DIAPH2: variants seen among roughly 807,000 people sequenced by gnomAD.
DIAPH2 encodes diaphanous related formin 2.
Under a neutral mutation model 92.7 loss-of-function variants are expected in DIAPH2, and 35 were observed. The ratio of observed to expected loss-of-function variants is 0.38; its 90% confidence interval spans 0.29 to 0.50. The LOEUF (loss-of-function observed/expected upper bound fraction) is 0.50, where lower values mean the gene tolerates loss of function less well. Ranked by LOEUF, DIAPH2 falls within the 20% of genes least tolerant of loss-of-function variation. The probability of loss-of-function intolerance (pLI) is 0.94; values close to 1 mark genes in which losing one functional copy is unlikely to be tolerated. For synonymous variants in DIAPH2, 301 were observed against 280.4 expected (o/e 1.07, Z -0.73); for missense variants, 701 against 819.5 (o/e 0.86, Z 1.77).
intron 22 of DIAPH2, among the ~76,000 whole-genome samples, chrX:97,162,839 T>TC (rs752383935): frequency 1.3e-3 from 146 of 111,711 alleles, no homozygotes; most frequent in African/African-American, 4.6e-3. Context: ...TTCTTTTTTT[T>TC]CCCCGTCTAT....
At chrX:97,168,088 T>C (rs2067424710) in intron 22 of DIAPH2, among the ~76,000 whole-genome samples, 1 of 103,319 alleles carries the variant, frequency 9.7e-6, no homozygotes, top group African/African-American at 3.7e-5. Flanking sequence ...AATTAGACAG[T>C]CTTTTTTTTT....
chrX:97,553,303 A>G (rs1470643523), intron 26 of DIAPH2, among the ~76,000 whole-genome samples: 1 of 111,936 alleles, frequency 8.9e-6, no homozygotes, highest in Non-Finnish European at 1.9e-5. Flanking sequence ...TTTTTATAGC[A>G]TTTGATTTTT....
At chrX:96,761,040 A>C (rs1315483315) in intron 4 of DIAPH2, among the ~76,000 whole-genome samples, 1 of 111,407 alleles carries the variant, frequency 9.0e-6, no homozygotes, top group Non-Finnish European at 1.9e-5. Context: ...AAACACCAGC[A>C]TATGTTTTCA....
At chrX:97,000,844 A>G (rs1019894511) in intron 17 of DIAPH2, among the ~76,000 whole-genome samples, 1 of 111,070 alleles carries the variant, frequency 9.0e-6, no homozygotes, top group African/African-American at 3.3e-5. Context: ...TGCTTCAACC[A>G]GGCCAATTTG....
At chrX:97,111,133 A>C in intron 20 of DIAPH2, among the ~76,000 whole-genome samples, 1 of 112,402 alleles carries the variant, frequency 8.9e-6, no homozygotes, top group African/African-American at 3.2e-5. Flanking sequence ...ACCTTCCCAC[A>C]GCTGTAGAGG....
At chrX:97,456,241 G>T (rs1321253152) in intron 26 of DIAPH2, among the ~76,000 whole-genome samples, 8 of 111,202 alleles carry the variant, frequency 7.2e-5, no homozygotes, top group African/African-American at 2.0e-4. Context: ...CAAAAAATTA[G>T]CCGGGCGTGG....
At chrX:96,783,866 G>A (rs918026305) in intron 4 of DIAPH2, among the ~76,000 whole-genome samples, 2 of 111,905 alleles carry the variant, frequency 1.8e-5, no homozygotes, top group Admixed American at 9.5e-5. Flanking sequence ...CACACTGTTC[G>A]GTCATTTGGC....
intron 1 of DIAPH2, among the ~76,000 whole-genome samples, chrX:96,686,410 T>C (rs2063771384): frequency 9.0e-6 from 1 of 111,537 alleles, no homozygotes; most frequent in South Asian, 3.7e-4. Context: ...AAAACACTTA[T>C]CTCTGTTAGT....
chrX:97,351,342 T>A (rs775585254), intron 24 of DIAPH2, among the ~76,000 whole-genome samples: 1 of 112,542 alleles, frequency 8.9e-6, no homozygotes, highest in African/African-American at 3.2e-5. Context: ...ATTTTGGTAA[T>A]GCTCTGGGTC....
At chrX:97,155,373 C>A (rs1018097459) in intron 22 of DIAPH2, among the ~76,000 whole-genome samples, 5 of 109,934 alleles carry the variant, frequency 4.5e-5, no homozygotes, top group African/African-American at 1.7e-4. Flanking sequence ...TGGTGGCACC[C>A]ACCTGTAATC....
intron 22 of DIAPH2, among the ~76,000 whole-genome samples, chrX:97,233,282 G>A (rs1188169450): frequency 8.9e-6 from 1 of 112,668 alleles, no homozygotes; most frequent in Non-Finnish European, 1.9e-5. Context: ...AGTAGAGCAT[G>A]TTGGTTAAGA....
chrX:97,603,131 C>T lies in DIAPH2; in HGVS notation c.*3814C>T, dbSNP rs1401211198. The T allele has an allele frequency of 1.3e-5, 1 of 76,506 alleles. No individual in the cohort carries two copies. The highest frequency in any genetic ancestry group is 2.4e-5 in the Non-Finnish European group (1 of 41,084). 6.3% of individuals were successfully genotyped at this position (76,506 alleles called of 1,213,427 possible). On this transcript the variant is annotated 3_prime_UTR_variant, in exon 27 of 27. Transcript: ENST00000324765. ...AGCACACTTTTCTAACAGTGAATCT[C>T]CTAATTTTAGCATCTTTTTTTTTTT...
At chrX:96,720,968 G>A (rs756098722) in intron 1 of DIAPH2, among the ~76,000 whole-genome samples, 2 of 111,357 alleles carry the variant, frequency 1.8e-5, no homozygotes, top group East Asian at 5.6e-4. Flanking sequence ...TCCTTGTCCT[G>A]ATTCCATTCA....
At chrX:96,900,267 G>A (rs753145323) in intron 5 of DIAPH2, among the ~76,000 whole-genome samples, 18 of 111,083 alleles carry the variant, frequency 1.6e-4, no homozygotes, top group African/African-American at 2.9e-4. Flanking sequence ...AAAGAGGGTC[G>A]AGTTCTTCAT....
chrX:96,860,820 C>T (rs183117244), intron 4 of DIAPH2, among the ~76,000 whole-genome samples: 1 of 111,025 alleles, frequency 9.0e-6, no homozygotes, highest in Non-Finnish European at 1.9e-5. Context: ...AGAAATTACA[C>T]GTGTCATATG....
At chrX:96,926,564 G>A (rs1332417471) in intron 9 of DIAPH2, among the ~76,000 whole-genome samples, 1 of 111,239 alleles carries the variant, frequency 9.0e-6, no homozygotes, top group Non-Finnish European at 1.9e-5. Context: ...GATGATTATT[G>A]TAGAAATAAA....
intron 23 of DIAPH2, among the ~76,000 whole-genome samples, chrX:97,340,319 A>G (rs2069101933): frequency 1.8e-5 from 2 of 111,604 alleles, no homozygotes; most frequent in African/African-American, 6.5e-5. Flanking sequence ...CAGTGCTGCC[A>G]AAACACAACT....
At chrX:97,166,125 T>C (rs1174811540) in intron 22 of DIAPH2, among the ~76,000 whole-genome samples, 2 of 111,759 alleles carry the variant, frequency 1.8e-5, no homozygotes, top group Non-Finnish European at 3.8e-5. Context: ...TTTATCAAAA[T>C]TTATCTTACC....
At chrX:96,818,429 A>T (rs1203119288) in intron 4 of DIAPH2, among the ~76,000 whole-genome samples, 2 of 111,848 alleles carry the variant, frequency 1.8e-5, no homozygotes, top group Non-Finnish European at 3.8e-5. Context: ...AATAGTATCC[A>T]CTAAGTATCC....
Sources: gnomAD v4.1 joint callset for allele counts (sites outside exome capture counted in the v4.1 genomes callset) on GRCh38, gnomAD v4.1.1 for gene constraint, MANE v1.5 for transcripts, NCBI Gene and HGNC (gene_info 2026-07-23, HGNC 2026-07-21) for gene names.